The following CLIC5 variants were observed in gnomAD, a reference collection of about 807,000 sequenced individuals.
CLIC5 encodes chloride intracellular channel protein 5.
A neutral mutation model predicts 24.7 loss-of-function variants in CLIC5; 20 were observed. The observed-to-expected ratio is 0.81, with a 90% confidence interval of 0.57 to 1.18. The LOEUF is 1.18. Among genes scored for constraint, CLIC5 ranks in the 50% most tolerant of loss-of-function variants. CLIC5 has a pLI of 0.00. For missense variants in CLIC5, 341 were observed against 326.1 expected (o/e 1.05, Z -0.35); for synonymous variants, 159 against 135.6 (o/e 1.17, Z -1.20).
At chr6:46,031,965 A>G (rs1767516623) in intron 1 of CLIC5, among the ~76,000 whole-genome samples, 1 of 150,940 alleles carries the variant, frequency 6.6e-6, no homozygotes, top group African/African-American at 2.4e-5. Flanking sequence ...CACAACAAAT[A>G]TATATATATG....
At chr6:46,122,653 A>G in the CLIC5 span, among the ~76,000 whole-genome samples, 67,335 of 151,286 alleles carry the variant, frequency 0.45, 16,122 homozygotes, top group South Asian at 0.68. Context: ...CTGGTTTTTT[A>G]AAAAGATCAA....
chr6:46,020,345 C>T (rs190977728), upstream of CLIC5, among the ~76,000 whole-genome samples: 1 of 152,082 alleles, frequency 6.6e-6, no homozygotes, highest in African/African-American at 2.4e-5. Flanking sequence ...ACAAGGAAGC[C>T]TCAAGGATTA....
At chr6:46,028,440 G>T in intron 1 of CLIC5, among the ~76,000 whole-genome samples, 1 of 152,174 alleles carries the variant, frequency 6.6e-6, no homozygotes, top group East Asian at 1.9e-4. Flanking sequence ...ACAATGAACA[G>T]TACTGACCCT....
chr6:46,088,567 ATTATG>A, the CLIC5 span, among the ~76,000 whole-genome samples: 1 of 152,198 alleles, frequency 6.6e-6, no homozygotes, highest in Non-Finnish European at 1.5e-5. Flanking sequence ...CCCAAAGATA[ATTATG>A]TTAACATTCT....
chr6:45,893,008 A>T (rs1221982869), intron 6 of CLIC5, among the ~76,000 whole-genome samples: 1 of 151,926 alleles, frequency 6.6e-6, no homozygotes, highest in Non-Finnish European at 1.5e-5. Context: ...CTTCCTCAAC[A>T]CCCTTATACA....
At chr6:45,882,705 G>A (rs1762273865) in intron 6 of CLIC5, among the ~76,000 whole-genome samples, 1 of 152,192 alleles carries the variant, frequency 6.6e-6, no homozygotes, top group Non-Finnish European at 1.5e-5. Flanking sequence ...GTGGTGAGGT[G>A]ATGGAAAACA....
At chr6:46,034,179 G>A (rs953356249) in intron 1 of CLIC5, among the ~76,000 whole-genome samples, 5 of 152,226 alleles carry the variant, frequency 3.3e-5, no homozygotes, top group Non-Finnish European at 5.9e-5. Flanking sequence ...TTGGCTGCAT[G>A]TGGGAGCTAC....
At chr6:45,950,604 T>G (rs1336503268) in intron 2 of CLIC5, among the ~76,000 whole-genome samples, 1 of 152,132 alleles carries the variant, frequency 6.6e-6, no homozygotes, top group Admixed American at 6.6e-5. Flanking sequence ...TCATACATTT[T>G]AAATTTAAAA....
At chr6:45,968,291 G>T (rs1033881591) in intron 1 of CLIC5, among the ~76,000 whole-genome samples, 1 of 152,148 alleles carries the variant, frequency 6.6e-6, no homozygotes, top group Non-Finnish European at 1.5e-5. Flanking sequence ...AGTATGAATT[G>T]TTGGTAACTG....
intron 1 of CLIC5, among the ~76,000 whole-genome samples, chr6:45,962,561 C>A (rs1161450778): frequency 6.6e-6 from 1 of 151,484 alleles, no homozygotes; most frequent in African/African-American, 2.4e-5. Context: ...TATGGCCCAG[C>A]CAAGTTGATA....
At chr6:46,080,162 T>G in exon 1 of CLIC5, 1 of 1,551,712 alleles carries the variant, frequency 6.4e-7, no homozygotes, top group Non-Finnish European at 8.7e-7. Flanking sequence ...GACTTTCATT[T>G]TCTTCTGGCT....
chr6:46,017,112 C>T (rs1767038803), upstream of CLIC5, among the ~76,000 whole-genome samples: 1 of 152,144 alleles, frequency 6.6e-6, no homozygotes, highest in Non-Finnish European at 1.5e-5. Context: ...TAAACACTGC[C>T]ATAGGTTTTC....
chr6:45,947,450 A>G (rs1764325328), intron 3 of CLIC5, among the ~76,000 whole-genome samples: 1 of 151,748 alleles, frequency 6.6e-6, no homozygotes, highest in Admixed American at 6.5e-5. Context: ...CATCACTAGC[A>G]GACTAGGATT....
chr6:46,008,756 G>A (rs1358232077), intron 1 of CLIC5, among the ~76,000 whole-genome samples: 2 of 152,080 alleles, frequency 1.3e-5, no homozygotes, highest in Admixed American at 6.5e-5. Context: ...CAAAAGAAAG[G>A]TCAAAAGCAT....
chr6:46,076,083 T>C (rs1762759735), intron 1 of CLIC5, among the ~76,000 whole-genome samples: 1 of 152,190 alleles, frequency 6.6e-6, no homozygotes, highest in Admixed American at 6.5e-5. Flanking sequence ...CAGCCTGTTA[T>C]AAAAAGGTGG....
At chr6:46,037,808 C>T (rs1298675482) in intron 1 of CLIC5, among the ~76,000 whole-genome samples, 3 of 152,124 alleles carry the variant, frequency 2.0e-5, no homozygotes, top group Non-Finnish European at 4.4e-5. Context: ...GTGGTAATTG[C>T]GGGCTAACTG....
At chr6:45,924,443 G>T (rs148832350) in intron 4 of CLIC5, among the ~76,000 whole-genome samples, 1 of 152,128 alleles carries the variant, frequency 6.6e-6, no homozygotes, top group Non-Finnish European at 1.5e-5. Flanking sequence ...TACAGTTTGT[G>T]GGGAGAAGCT....
At position 46,039,729 on chromosome 6, in the gene CLIC5, A is replaced by C. The variant is rs188770349; in HGVS notation, c.540+39974T>G. On this transcript the variant is annotated intron_variant, in intron 1 of 5. Transcript: ENST00000185206. ...AAGGAAGCTCTACTCTTAAGAAATG[A>C]ACAGAGAATTCATCTAATTAAGGTC... Among the ~76,000 whole-genome samples the C allele has an allele frequency of 2.3e-3, 346 of 152,366 alleles. 1 individual carries two copies. Among genetic ancestry groups the C allele is most frequent in the Non-Finnish European group, 3.7e-3 (255 of 68,044 alleles).
At chr6:45,955,053 AC>A in intron 2 of CLIC5, 81 bp downstream of exon 2, 1 of 963,846 alleles carries the variant, frequency 1.0e-6, no homozygotes, top group Non-Finnish European at 1.6e-6. Flanking sequence ...GCTGGGAGCC[AC>A]GGAAGGCTTT....
Sources: gnomAD v4.1 joint callset for allele counts (sites outside exome capture counted in the v4.1 genomes callset) on GRCh38, gnomAD v4.1.1 for gene constraint, MANE v1.5 for transcripts, NCBI Gene and HGNC (gene_info 2026-07-23, HGNC 2026-07-21) for gene names.